The following PCDH15 variants were observed in gnomAD, a reference collection of about 807,000 sequenced individuals.
The protein encoded by PCDH15 is protocadherin-15.
Under a neutral mutation model 178.5 loss-of-function variants are expected in PCDH15, and 129 were observed. That is an observed-to-expected ratio of 0.72 (90% confidence interval 0.63 to 0.84). PCDH15 has a LOEUF of 0.84. PCDH15 is among the 40% of genes least tolerant of loss of function. The pLI is 0.00. For missense variants in PCDH15, 2,230 were observed against 2,099.9 expected, an observed-to-expected ratio of 1.06 and a Z score of -1.21; for synonymous variants, 800 against 732.0, an observed-to-expected ratio of 1.09 and a Z score of -1.50.
intron 2 of PCDH15, among the ~76,000 whole-genome samples, chr10:55,536,787 C>A (rs574901788): frequency 6.6e-6 from 1 of 152,148 alleles, no homozygotes; most frequent in East Asian, 1.9e-4. Flanking sequence ...AATTTATCAT[C>A]TTCTCTCCAT....
At chr10:54,057,026 G>A (rs943528394) in intron 18 of PCDH15, among the ~76,000 whole-genome samples, 3 of 152,204 alleles carry the variant, frequency 2.0e-5, no homozygotes, top group Non-Finnish European at 4.4e-5. Context: ...TCATGCTGAT[G>A]CTAAAGATGG....
At chr10:53,934,390 C>T (rs1009287813) in intron 25 of PCDH15, among the ~76,000 whole-genome samples, 7 of 152,088 alleles carry the variant, frequency 4.6e-5, no homozygotes, top group Non-Finnish European at 8.8e-5. Context: ...GAGGGACATT[C>T]TACCATACAT....
At chr10:55,451,171 C>A (rs1423182590) in intron 2 of PCDH15, among the ~76,000 whole-genome samples, 2 of 151,832 alleles carry the variant, frequency 1.3e-5, no homozygotes, top group Non-Finnish European at 2.9e-5. Context: ...ACTGCCCTGG[C>A]CTATGTGTGT....
At chr10:55,565,371 G>C (rs1205956106) in intron 2 of PCDH15, among the ~76,000 whole-genome samples, 1 of 151,320 alleles carries the variant, frequency 6.6e-6, no homozygotes, top group Non-Finnish European at 1.5e-5. Flanking sequence ...GAAATGTATA[G>C]CTATAAATGC....
At chr10:54,127,575 A>C (rs2042088595) in intron 15 of PCDH15, among the ~76,000 whole-genome samples, 1 of 152,240 alleles carries the variant, frequency 6.6e-6, no homozygotes, top group South Asian at 2.1e-4. Context: ...TTAAGAGTCT[A>C]GAAATGGAGT....
chr10:55,145,036 G>C (rs567925013), intron 2 of PCDH15, among the ~76,000 whole-genome samples: 2 of 152,138 alleles, frequency 1.3e-5, no homozygotes, highest in South Asian at 2.1e-4. Flanking sequence ...AATATAAATA[G>C]TAGGCATCTT....
chr10:54,540,751 A>G (rs1458062733), intron 2 of PCDH15, among the ~76,000 whole-genome samples: 1 of 152,090 alleles, frequency 6.6e-6, no homozygotes, highest in Admixed American at 6.6e-5. Flanking sequence ...TAGATGCAAA[A>G]ATCTTCAACA....
At chr10:55,357,193 T>C (rs948475735) in intron 2 of PCDH15, among the ~76,000 whole-genome samples, 5 of 151,938 alleles carry the variant, frequency 3.3e-5, no homozygotes, top group African/African-American at 1.2e-4. Flanking sequence ...TGAAATTATA[T>C]TGAAAAATTC....
At chr10:54,598,870 C>G (rs1590381116) in intron 2 of PCDH15, among the ~76,000 whole-genome samples, 1 of 151,970 alleles carries the variant, frequency 6.6e-6, no homozygotes, top group Non-Finnish European at 1.5e-5. Flanking sequence ...CAATCCCATT[C>G]ACAATTGCCA....
intron 1 of PCDH15, among the ~76,000 whole-genome samples, chr10:55,256,739 G>T (rs1842010533): frequency 6.6e-6 from 1 of 152,172 alleles, no homozygotes; most frequent in East Asian, 1.9e-4. Flanking sequence ...GCTCGAACTG[G>T]GTGGAGCCCA....
At chr10:54,139,263 T>G (rs1167135197) in intron 14 of PCDH15, among the ~76,000 whole-genome samples, 1 of 152,076 alleles carries the variant, frequency 6.6e-6, no homozygotes, top group Non-Finnish European at 1.5e-5. Context: ...TATCTTTAAT[T>G]TTAAGATTTA....
chr10:55,165,377 T>C (rs7074974), intron 2 of PCDH15, among the ~76,000 whole-genome samples: 1 of 151,876 alleles, frequency 6.6e-6, no homozygotes, highest in African/African-American at 2.4e-5. Flanking sequence ...CACAGAAATG[T>C]CTTAGGTACG....
At chr10:53,852,770 C>T (rs2078471948) in intron 28 of PCDH15, among the ~76,000 whole-genome samples, 1 of 151,734 alleles carries the variant, frequency 6.6e-6, no homozygotes, top group African/African-American at 2.4e-5. Context: ...AAAAAATGAT[C>T]ACATGACATT....
intron 1 of PCDH15, among the ~76,000 whole-genome samples, chr10:54,787,194 A>G (rs1950958655): frequency 6.6e-6 from 1 of 151,896 alleles, no homozygotes; most frequent in African/African-American, 2.4e-5. Context: ...TGGTTGACAA[A>G]TATATGCTAA....
At chr10:54,080,981 T>C (rs961310728) in intron 16 of PCDH15, among the ~76,000 whole-genome samples, 1 of 152,088 alleles carries the variant, frequency 6.6e-6, no homozygotes, top group East Asian at 1.9e-4. Flanking sequence ...AGAAAGAAAA[T>C]TGAGTTACCA....
At chr10:54,012,886 G>T (rs2060523036) in intron 20 of PCDH15, among the ~76,000 whole-genome samples, 1 of 151,972 alleles carries the variant, frequency 6.6e-6, no homozygotes, top group South Asian at 2.1e-4. Context: ...ATAATATCCA[G>T]CTAACAATAT....
chr10:54,671,190 C>A (rs555960977), intron 1 of PCDH15, among the ~76,000 whole-genome samples: 2 of 152,110 alleles, frequency 1.3e-5, no homozygotes, highest in East Asian at 3.9e-4. Context: ...CTCAAGCAAA[C>A]GCATGCATCA....
At chr10:55,482,094 T>C (rs1433206652) in intron 2 of PCDH15, among the ~76,000 whole-genome samples, 1 of 151,864 alleles carries the variant, frequency 6.6e-6, no homozygotes, top group East Asian at 1.9e-4. Context: ...CCTTTTTGGC[T>C]TTTTTGATCT....
intron 2 of PCDH15, among the ~76,000 whole-genome samples, chr10:54,616,797 G>A (rs943632801): frequency 1.3e-5 from 2 of 151,924 alleles, no homozygotes; most frequent in Non-Finnish European, 2.9e-5. Flanking sequence ...TCAGCTACAT[G>A]GAGGCTATAT....
Sources: allele counts gnomAD v4.1 joint callset (sites outside exome capture counted in the v4.1 genomes callset), GRCh38; gene constraint gnomAD v4.1.1; transcripts MANE v1.5; gene names NCBI Gene and HGNC (gene_info 2026-07-23, HGNC 2026-07-21).